The following ZFAND6 variants were observed in gnomAD, a reference collection of about 807,000 sequenced individuals.
ZFAND6 encodes the protein AN1-type zinc finger protein 6.
Under a neutral mutation model 24.5 loss-of-function variants are expected in ZFAND6, and 12 were observed. The observed-to-expected ratio is 0.49, with a 90% CI of 0.31 to 0.79. ZFAND6 has a LOEUF of 0.79. ZFAND6 is among the 30% of genes least tolerant of loss of function. The probability of loss-of-function intolerance (pLI) is 0.04; values close to 1 mark genes in which losing one functional copy is unlikely to be tolerated. For synonymous variants in ZFAND6, 92 were observed against 81.5 expected, an observed-to-expected ratio of 1.13 and a Z score of -0.69; for missense variants, 207 against 245.9, an observed-to-expected ratio of 0.84 and a Z score of 1.06.
At chr15:80,064,998 C>CT (rs1491092766) in intron 1 of ZFAND6, among the ~76,000 whole-genome samples, 41 of 65,382 alleles carry the variant, frequency 6.3e-4, no homozygotes, top group Admixed American at 3.0e-3. Context: ...CTCTCTCTCT[C>CT]CCCCTTTTTT....
intron 2 of ZFAND6, among the ~76,000 whole-genome samples, chr15:80,099,253 GT>G (rs2038901878): frequency 2.6e-5 from 4 of 151,870 alleles, no homozygotes. Context: ...GTGGTGTCTG[GT>G]TTTTTTCTAC....
intron 2 of ZFAND6, among the ~76,000 whole-genome samples, chr15:80,103,031 C>T (rs1190431294): frequency 6.6e-6 from 1 of 152,170 alleles, no homozygotes; most frequent in East Asian, 1.9e-4. Context: ...TAGATAGGTT[C>T]ATCGGGTCAG....
At chr15:80,110,437 GAT>G (rs2039551697) in intron 2 of ZFAND6, among the ~76,000 whole-genome samples, 1 of 152,016 alleles carries the variant, frequency 6.6e-6, no homozygotes, top group African/African-American at 2.4e-5. Flanking sequence ...TAAACTGAGA[GAT>G]ATACAGTAGT....
chr15:80,119,063 G>T (rs146485900), intron 2 of ZFAND6, among the ~76,000 whole-genome samples: 2 of 149,570 alleles, frequency 1.3e-5, no homozygotes, highest in African/African-American at 2.5e-5. Context: ...TCACTTAGGA[G>T]ATTGTTGTTT....
chr15:80,059,697 C>A lies in ZFAND6; in HGVS notation c.-293C>A, dbSNP rs1020134517. On this transcript the variant is annotated 5_prime_UTR_variant, in exon 1 of 7. Transcript: ENST00000261749. ...GTTTAATAAACAGCGGACGGAGGGG[C>A]CGGCGGTGGCGGAGCCGGAGCAAGC... 1 of 152,608 alleles carries A rather than the reference C, an allele frequency of 6.6e-6. No homozygotes were observed. The highest frequency in any genetic ancestry group is 1.9e-4 in the East Asian group (1 of 5,176). The allele number at this position is 152,608 out of a possible 1,614,324, so 9.5% of individuals were successfully genotyped here.
chr15:80,106,585 G>GTTT (rs3082081), intron 2 of ZFAND6, among the ~76,000 whole-genome samples: 1,779 of 131,348 alleles, frequency 0.014, 30 homozygotes, highest in African/African-American at 0.045. Flanking sequence ...TGTTAAATTT[G>GTTT]TTTTTTTTTT....
intron 2 of ZFAND6, among the ~76,000 whole-genome samples, chr15:80,100,480 ATCTCTCTGAGATGAT>A (rs66718826): frequency 0.085 from 12,924 of 152,204 alleles, 617 homozygotes; most frequent in East Asian, 0.18. Flanking sequence ...ATTTCTTTTT[ATCTCTCTGAGATGAT>A]TCTCTGTGTT....
chr15:80,109,796 G>A (rs944244174), intron 2 of ZFAND6, among the ~76,000 whole-genome samples: 1 of 152,218 alleles, frequency 6.6e-6, no homozygotes, highest in African/African-American at 2.4e-5. Flanking sequence ...ACCAGAAGCT[G>A]TGTTATCAAT....
chr15:80,066,853 C>T (rs561461873), intron 1 of ZFAND6, among the ~76,000 whole-genome samples: 4 of 149,754 alleles, frequency 2.7e-5, no homozygotes, highest in African/African-American at 9.8e-5. Context: ...GCCGAGACTG[C>T]ACCACTACAC....
chr15:80,114,737 T>TGAATTTTCTTTACA (rs2039789389), intron 2 of ZFAND6, among the ~76,000 whole-genome samples: 2 of 152,338 alleles, frequency 1.3e-5, no homozygotes, highest in African/African-American at 4.8e-5. Flanking sequence ...TAATTGGTAA[T>TGAATTTTCTTTACA]GAATTTTCTT....
intron 1 of ZFAND6, among the ~76,000 whole-genome samples, chr15:80,062,610 A>G (rs909500821): frequency 4.6e-5 from 7 of 152,158 alleles, no homozygotes; most frequent in Admixed American, 3.9e-4. Context: ...GGGAGTAGAG[A>G]TGGTTTCATT....
At chr15:80,113,334 C>T (rs2039704049) in intron 2 of ZFAND6, among the ~76,000 whole-genome samples, 1 of 152,268 alleles carries the variant, frequency 6.6e-6, no homozygotes, top group Admixed American at 6.5e-5. Flanking sequence ...ACGTGACATT[C>T]CCCAATTTTT....
chr15:80,107,550 C>T (rs866962785), intron 2 of ZFAND6, among the ~76,000 whole-genome samples: 1 of 152,062 alleles, frequency 6.6e-6, no homozygotes, highest in Admixed American at 6.5e-5. Context: ...AGGGGCTGGG[C>T]GCAGTGTTTC....
chr15:80,108,490 T>G (rs977878678), intron 2 of ZFAND6, among the ~76,000 whole-genome samples: 1 of 152,198 alleles, frequency 6.6e-6, no homozygotes, highest in African/African-American at 2.4e-5. Flanking sequence ...GGGTTCCTCT[T>G]TTTGCAAATA....
At chr15:80,066,442 A>G (rs2036641417) in intron 1 of ZFAND6, among the ~76,000 whole-genome samples, 1 of 151,800 alleles carries the variant, frequency 6.6e-6, no homozygotes, top group African/African-American at 2.4e-5. Context: ...CCTCCTGAGT[A>G]GCTGAGATTA....
At chr15:80,091,163 G>C (rs75970181) in intron 1 of ZFAND6, among the ~76,000 whole-genome samples, 7,698 of 146,774 alleles carry the variant, frequency 0.052, 212 homozygotes, top group African/African-American at 0.064. Context: ...GTTAAGGGGT[G>C]TGTGTGTGTG....
rs757775872 is a variant in ZFAND6, at chr15:80,131,228, C to G, written c.413C>G (p.Ser138Cys). The G allele has an allele frequency of 1.9e-6, 3 of 1,612,490 alleles. No individual in the cohort carries two copies. In the African/African-American group the frequency reaches 4.0e-5, roughly 22 times the overall value. ...AQQPSEEQSK[S>C]LEKPKQKKNR... is the part of the protein sequence containing the mutation. ...CAGCCATCTGAAGAGCAAAGCAAGT[C>G]TCTTGAAAAACCGAAACAAAAAAAG... The change falls in exon 6 of 7, where the codon TCT (serine) becomes TGT (cysteine). Residue 138 changes from serine to cysteine, a missense_variant. By Grantham distance (112) the Ser-to-Cys change is moderately radical. Coordinates refer to ENST00000261749, the MANE Select transcript of ZFAND6 (RefSeq NM_019006.4).
intron 1 of ZFAND6, among the ~76,000 whole-genome samples, chr15:80,070,719 C>T (rs930005008): frequency 4.6e-5 from 7 of 151,934 alleles, no homozygotes; most frequent in African/African-American, 1.5e-4. Context: ...AAAATTGATG[C>T]GAGAGCAAAG....
chr15:80,105,733 T>A (rs1283894981), intron 2 of ZFAND6, among the ~76,000 whole-genome samples: 3 of 152,210 alleles, frequency 2.0e-5, no homozygotes, highest in Non-Finnish European at 4.4e-5. Flanking sequence ...CATATCAAGT[T>A]GTCCCTGTAT....
Sources: allele counts gnomAD v4.1 joint callset (sites outside exome capture counted in the v4.1 genomes callset), GRCh38; gene constraint gnomAD v4.1.1; transcripts MANE v1.5; gene names NCBI Gene and HGNC (gene_info 2026-07-23, HGNC 2026-07-21).